CHID1: variants seen among roughly 807,000 people sequenced by gnomAD.
CHID1 encodes the protein chitinase domain-containing protein 1.
Under a neutral mutation model 55.4 loss-of-function variants are expected in CHID1, and 44 were observed. That is an observed-to-expected ratio of 0.79 (90% CI 0.62 to 1.02). The LOEUF is 1.02. Ranked by LOEUF, CHID1 falls within the 50% of genes least tolerant of loss-of-function variation. The probability of loss-of-function intolerance (pLI) is 0.00; values close to 1 mark genes in which losing one functional copy is unlikely to be tolerated. For synonymous variants in CHID1, 216 were observed against 212.9 expected (o/e 1.01, Z -0.13); for missense variants, 491 against 515.3 (o/e 0.95, Z 0.46).
At chr11:879,621 C>CA (rs1249954171) in intron 10 of CHID1, among the ~76,000 whole-genome samples, 1 of 144,606 alleles carries the variant, frequency 6.9e-6, no homozygotes, top group Non-Finnish European at 1.5e-5. Flanking sequence ...CTCCAGCCCC[C>CA]AGGACTGAGA....
chr11:910,094 C>T (rs143919400), intron 1 of CHID1, among the ~76,000 whole-genome samples: 2 of 151,978 alleles, frequency 1.3e-5, no homozygotes, highest in Non-Finnish European at 2.9e-5. Flanking sequence ...AGTGCGCTGG[C>T]GCACACCTGT....
chr11:914,527 G>A, upstream of CHID1: 2 of 1,289,276 alleles, frequency 1.6e-6, no homozygotes, highest in South Asian at 2.5e-5. Flanking sequence ...CCTTACCTGG[G>A]ATATTCCTGG....
chr11:897,239 A>G (rs112715593), intron 7 of CHID1, among the ~76,000 whole-genome samples: 1 of 140,884 alleles, frequency 7.1e-6, no homozygotes. Flanking sequence ...AGCCTGTCTC[A>G]GCACCCCCAG....
chr11:887,682 C>G (rs556467964), intron 8 of CHID1, among the ~76,000 whole-genome samples: 1 of 152,242 alleles, frequency 6.6e-6, no homozygotes, highest in Non-Finnish European at 1.5e-5. Context: ...CAACCCCTCC[C>G]CTGTGCCCAT....
At chr11:883,851 C>G (rs1850184951) in intron 9 of CHID1, among the ~76,000 whole-genome samples, 1 of 152,260 alleles carries the variant, frequency 6.6e-6, no homozygotes. Context: ...CCCAGCTCCA[C>G]CAGAGGCAGG....
intron 10 of CHID1, among the ~76,000 whole-genome samples, chr11:881,390 G>A (rs1849908003): frequency 6.6e-6 from 1 of 151,962 alleles, no homozygotes; most frequent in Non-Finnish European, 1.5e-5. Flanking sequence ...AGGCTGGGTG[G>A]TGAGGGAAAG....
At chr11:895,387 AAGG>A (rs1473965325) in intron 7 of CHID1, among the ~76,000 whole-genome samples, 4 of 152,112 alleles carry the variant, frequency 2.6e-5, no homozygotes, top group African/African-American at 9.7e-5. Flanking sequence ...GCTGGCCTTC[AAGG>A]AGGACAGGTG....
chr11:914,790 G>A (rs1356830573), upstream of CHID1: 2 of 346,270 alleles, frequency 5.8e-6, no homozygotes, highest in African/African-American at 2.2e-5. Context: ...CTTTGGGGCT[G>A]GGTTTGTGTC....
intron 8 of CHID1, among the ~76,000 whole-genome samples, chr11:891,938 C>CAA (rs57065345): frequency 6.8e-5 from 7 of 102,910 alleles, no homozygotes; most frequent in South Asian, 3.3e-4. Flanking sequence ...ACCTCATTTC[C>CAA]AAAAAAAAAA....
Position 867,912 on chromosome 11 carries a change from G to A in CHID1, c.*1946C>T, listed in dbSNP as rs1848965058. On this transcript the variant is annotated 3_prime_UTR_variant, in exon 13 of 13. Transcript: ENST00000323578. Reference sequence around the variant, plus strand: ...GGTGCCTCAGGATTCTCACAGCCAGGGGTGAGGGTTGTGTGGGGACCCTGG... The same window carrying A: ...GGTGCCTCAGGATTCTCACAGCCAGAGGTGAGGGTTGTGTGGGGACCCTGG... 1 of 152,156 alleles carries A rather than the reference G, an allele frequency of 6.6e-6. No individual in the cohort carries two copies. Among genetic ancestry groups the A allele is most frequent in the Non-Finnish European group, 1.5e-5 (1 of 68,044 alleles). The allele number at this position is 152,156 out of a possible 1,614,324, so 9.4% of individuals were successfully genotyped here.
At chr11:903,288 C>T (rs1170749262) in intron 2 of CHID1, among the ~76,000 whole-genome samples, 177 bp from the exon 3 acceptor site, 1 of 152,234 alleles carries the variant, frequency 6.6e-6, no homozygotes, top group Non-Finnish European at 1.5e-5. Context: ...CAATTCAATT[C>T]AGAAGCACTC....
rs546475128 is a variant in CHID1, at chr11:900,841, C to T, written c.439+95G>A. On this transcript the variant is annotated intron_variant, in intron 5 of 12. Coordinates refer to ENST00000323578, the MANE Select transcript of CHID1 (RefSeq NM_023947.4). ...GTAACCTGTGCCGCAGCAGCACAGCCGGGTGATCAGGAACACGTGGAGACC... is the reference window on the plus strand; with the variant it reads ...GTAACCTGTGCCGCAGCAGCACAGCTGGGTGATCAGGAACACGTGGAGACC... The T allele has an allele frequency of 1.7e-5, 18 of 1,030,462 alleles. 2 individuals carry two copies. The highest frequency in any genetic ancestry group is 1.2e-4 in the South Asian group (8 of 65,802). 63.8% of individuals were successfully genotyped at this position (1,030,462 alleles called of 1,614,324 possible).
At chr11:902,102 AG>A (rs1397585290) in intron 4 of CHID1, 95 bp downstream of exon 4, 1 of 1,456,882 alleles carries the variant, frequency 6.9e-7, no homozygotes, top group African/African-American at 1.4e-5. Context: ...AGACACCCAC[AG>A]AGACATACCT....
chr11:894,338 A>G (rs1424157885), intron 7 of CHID1, among the ~76,000 whole-genome samples: 1 of 151,936 alleles, frequency 6.6e-6, no homozygotes, highest in Non-Finnish European at 1.5e-5. Context: ...AGGGGGCAGG[A>G]GCATCTCAGA....
upstream of CHID1, among the ~76,000 whole-genome samples, chr11:912,608 G>T (rs1239454952): frequency 6.6e-6 from 1 of 152,202 alleles, no homozygotes; most frequent in African/African-American, 2.4e-5. Context: ...ACTTTGGGAG[G>T]CTGAGGCGGG....
At chr11:874,516 G>A (rs141901518) in intron 10 of CHID1, among the ~76,000 whole-genome samples, 1 of 152,326 alleles carries the variant, frequency 6.6e-6, no homozygotes, top group African/African-American at 2.4e-5. Flanking sequence ...ATGCAATGGT[G>A]TGATCATAGC....
intron 10 of CHID1, among the ~76,000 whole-genome samples, chr11:871,115 T>A (rs1477209483): frequency 6.6e-6 from 1 of 151,760 alleles, no homozygotes; most frequent in Admixed American, 6.6e-5. Flanking sequence ...CTCAGCCTCC[T>A]GAGTAGCTGG....
chr11:903,091 C>T lies in CHID1; in HGVS notation c.132G>A (p.Pro44=), dbSNP rs139195157. Residue 44 remains proline (P), a synonymous_variant, in exon 3 of 13, where the codon CCG becomes CCA. Coordinates refer to ENST00000323578, the MANE Select transcript of CHID1 (RefSeq NM_023947.4). ...TCACCACCAAACCCCGGTCTTGCACCGGCTTATCTGAAAACTGACTCTGAA... is the reference window on the plus strand; with the variant it reads ...TCACCACCAAACCCCGGTCTTGCACTGGCTTATCTGAAAACTGACTCTGAA... ...LLEKSQFSDK[P]VQDRGLVVTD... The T allele has an allele frequency of 5.1e-5, 82 of 1,611,922 alleles. No individual in the cohort carries two copies. In the African/African-American group the frequency reaches 6.3e-4, roughly 12 times the overall value.
chr11:898,144 C>A (rs1013981072), intron 7 of CHID1, among the ~76,000 whole-genome samples: 19 of 152,234 alleles, frequency 1.2e-4, no homozygotes, highest in African/African-American at 4.3e-4. Context: ...TGCCCTACCC[C>A]TCATGGGCTC....
Sources: allele counts gnomAD v4.1 joint callset (sites outside exome capture counted in the v4.1 genomes callset), GRCh38; gene constraint gnomAD v4.1.1; transcripts MANE v1.5; gene names NCBI Gene and HGNC (gene_info 2026-07-23, HGNC 2026-07-21).